GRM3: variants seen among roughly 807,000 people sequenced by gnomAD.
GRM3 encodes the protein glutamate metabotropic receptor 3.
A neutral mutation model predicts 70.5 loss-of-function variants in GRM3; 26 were observed. The observed-to-expected ratio is 0.37, with a 90% CI of 0.27 to 0.51. GRM3 has a LOEUF of 0.51. GRM3 is among the 20% of genes least tolerant of loss of function. The probability of loss-of-function intolerance (pLI) is 0.93; values close to 1 mark genes in which losing one functional copy is unlikely to be tolerated. For missense variants in GRM3, 859 were observed against 1,123.8 expected, an observed-to-expected ratio of 0.76 and a Z score of 3.37; for synonymous variants, 443 against 434.9, an observed-to-expected ratio of 1.02 and a Z score of -0.23.
chr7:86,716,059 C>T (rs532319692), intron 1 of GRM3, among the ~76,000 whole-genome samples: 2 of 152,062 alleles, frequency 1.3e-5, no homozygotes, highest in South Asian at 4.1e-4. Context: ...ATTAACATAC[C>T]TTCTTTGCAT....
At chr7:86,706,641 C>T (rs754060044) in intron 1 of GRM3, among the ~76,000 whole-genome samples, 17 of 151,660 alleles carry the variant, frequency 1.1e-4, no homozygotes, top group Middle Eastern at 3.2e-3. Context: ...CATATGGATC[C>T]GGGAGCTAAG....
At chr7:86,827,889 G>C (rs1054904042) in intron 3 of GRM3, among the ~76,000 whole-genome samples, 1 of 152,036 alleles carries the variant, frequency 6.6e-6, no homozygotes, top group African/African-American at 2.4e-5. Flanking sequence ...AAGGCGGGCG[G>C]AACACAAGGT....
chr7:86,803,137 G>A (rs1341500778), intron 3 of GRM3, among the ~76,000 whole-genome samples: 1 of 152,128 alleles, frequency 6.6e-6, no homozygotes, highest in Non-Finnish European at 1.5e-5. Flanking sequence ...TCATTTCTCA[G>A]TCATCAAAAA....
At chr7:86,749,078 C>T (rs936729695) in intron 1 of GRM3, among the ~76,000 whole-genome samples, 3 of 152,068 alleles carry the variant, frequency 2.0e-5, no homozygotes, top group Admixed American at 6.6e-5. Context: ...ATTCTTTGTA[C>T]AGCTTAAAAT....
chr7:86,802,553 T>A (rs1289269930), intron 3 of GRM3, among the ~76,000 whole-genome samples: 5 of 151,800 alleles, frequency 3.3e-5, no homozygotes, highest in Non-Finnish European at 7.4e-5. Flanking sequence ...GCCAGATCAA[T>A]ATTTGCAATA....
At chr7:86,811,287 C>A (rs1424238421) in intron 3 of GRM3, among the ~76,000 whole-genome samples, 3 of 151,748 alleles carry the variant, frequency 2.0e-5, no homozygotes, top group African/African-American at 7.3e-5. Context: ...TTTCTTTTCA[C>A]ATTTTTTTTT....
intron 1 of GRM3, among the ~76,000 whole-genome samples, chr7:86,696,279 C>G (rs967308479): frequency 2.0e-5 from 3 of 152,072 alleles, no homozygotes; most frequent in African/African-American, 7.2e-5. Flanking sequence ...CCGCATTATC[C>G]AAGTGGGCTC....
intron 3 of GRM3, among the ~76,000 whole-genome samples, chr7:86,791,318 T>C (rs997089952): frequency 6.6e-6 from 1 of 152,238 alleles, no homozygotes; most frequent in Admixed American, 6.5e-5. Flanking sequence ...TTTTAATATA[T>C]AAATTTTGTT....
At chr7:86,722,886 C>T (rs1377729697) in intron 1 of GRM3, among the ~76,000 whole-genome samples, 1 of 152,078 alleles carries the variant, frequency 6.6e-6, no homozygotes, top group Non-Finnish European at 1.5e-5. Context: ...TCTTAACATG[C>T]TAGTTCTAAG....
At chr7:86,732,148 A>G (rs1308586635) in intron 1 of GRM3, among the ~76,000 whole-genome samples, 2 of 152,192 alleles carry the variant, frequency 1.3e-5, no homozygotes, top group African/African-American at 4.8e-5. Flanking sequence ...TATTCAAAAT[A>G]TATGTATTAA....
At chr7:86,782,033 A>G (rs1006490996) in intron 2 of GRM3, among the ~76,000 whole-genome samples, 1 of 152,178 alleles carries the variant, frequency 6.6e-6, no homozygotes, top group Admixed American at 6.5e-5. Flanking sequence ...TATTAAACCC[A>G]TGCTGATTCC....
chr7:86,715,319 T>C, intron 1 of GRM3, among the ~76,000 whole-genome samples: 1 of 152,022 alleles, frequency 6.6e-6, no homozygotes, highest in Non-Finnish European at 1.5e-5. Flanking sequence ...AGTGCAAAGA[T>C]GGACTTTAAC....
chr7:86,772,273 G>A (rs200032323), intron 2 of GRM3, among the ~76,000 whole-genome samples: 1 of 152,014 alleles, frequency 6.6e-6, no homozygotes, highest in Non-Finnish European at 1.5e-5. Context: ...CTTCCAGAAG[G>A]CTCAAAATCT....
rs549174454 is a variant in GRM3 at position 86,766,241 on chromosome 7, G to T, written c.468+628G>T. Among the ~76,000 whole-genome samples, 220 of 152,094 alleles carry T rather than the reference G, an allele frequency of 1.4e-3. 1 individual carries two copies. The highest frequency in any genetic ancestry group is 5.1e-3 in the African/African-American group (210 of 41,510). On this transcript the variant is annotated intron_variant, in intron 2 of 5. Transcript: ENST00000361669. ...AAGCCACTGATGCAATCAAACACAG[G>T]AAGGCATAATGTCATGGAACTCCAT...
chr7:86,687,132 A>G (rs1196039056), intron 1 of GRM3, among the ~76,000 whole-genome samples: 1 of 151,964 alleles, frequency 6.6e-6, no homozygotes, highest in Non-Finnish European at 1.5e-5. Context: ...AAGCTCTGAT[A>G]TACATGTAAT....
intron 3 of GRM3, among the ~76,000 whole-genome samples, chr7:86,828,356 C>T (rs1798285925): frequency 6.6e-6 from 1 of 152,074 alleles, no homozygotes; most frequent in Non-Finnish European, 1.5e-5. Flanking sequence ...ATACAATTTA[C>T]TATTATATAC....
intron 3 of GRM3, among the ~76,000 whole-genome samples, chr7:86,827,380 G>T (rs534969782): frequency 3.3e-5 from 5 of 152,102 alleles, no homozygotes; most frequent in African/African-American, 4.8e-5. Context: ...ACTGTACTGG[G>T]CATTAAATTT....
At position 86,688,341 on chromosome 7, in the gene GRM3, T is replaced by C. The variant is rs946696510; in HGVS notation, c.-141+43469T>C. On this transcript the variant is annotated intron_variant, in intron 1 of 5. Transcript: ENST00000361669. ...CATATATTAACAAAAAGAAAAATTA[T>C]GTGGTTAAATTAACAGTGAAAAAAG... is the stretch of plus-strand genomic sequence containing the variant. Among the ~76,000 whole-genome samples the C allele has an allele frequency of 2.0e-5, 3 of 151,666 alleles. No homozygotes were observed. The East Asian group carries it at 5.8e-4, about 29-fold the overall frequency.
chr7:86,820,275 A>G (rs1001139639), intron 3 of GRM3, among the ~76,000 whole-genome samples: 1 of 152,114 alleles, frequency 6.6e-6, no homozygotes, highest in South Asian at 2.1e-4. Flanking sequence ...GTGTCTTTTC[A>G]TGGTTGGAAT....
Sources: allele counts gnomAD v4.1 joint callset (sites outside exome capture counted in the v4.1 genomes callset), GRCh38; gene constraint gnomAD v4.1.1; transcripts MANE v1.5; gene names NCBI Gene and HGNC (gene_info 2026-07-23, HGNC 2026-07-21).